The following PCDH15 variants were observed in gnomAD, a reference collection of about 807,000 sequenced individuals.
PCDH15 encodes protocadherin-15.
A neutral mutation model predicts 178.5 loss-of-function variants in PCDH15; 129 were observed. That is an observed-to-expected ratio of 0.72 (90% CI 0.63 to 0.84). PCDH15 has a LOEUF of 0.84. Among genes scored for constraint, PCDH15 ranks in the 40% least tolerant of loss-of-function variants. The pLI, the probability that PCDH15 is intolerant of heterozygous loss-of-function variation, is 0.00. For missense variants in PCDH15, 2,230 were observed against 2,099.9 expected (o/e 1.06, Z -1.21); for synonymous variants, 800 against 732.0 (o/e 1.09, Z -1.50).
chr10:55,540,395 G>A (rs900722334), intron 2 of PCDH15, among the ~76,000 whole-genome samples: 1 of 151,966 alleles, frequency 6.6e-6, no homozygotes, highest in Non-Finnish European at 1.5e-5. Flanking sequence ...CTGAGAAATA[G>A]AATGAAGCAA....
At chr10:54,675,182 T>C (rs1485499286) in intron 1 of PCDH15, among the ~76,000 whole-genome samples, 1 of 152,022 alleles carries the variant, frequency 6.6e-6, no homozygotes, top group Non-Finnish European at 1.5e-5. Context: ...TATAGTAAAT[T>C]CAAACTGCCT....
At chr10:55,432,767 C>T (rs1051623608) in intron 2 of PCDH15, among the ~76,000 whole-genome samples, 2 of 129,296 alleles carry the variant, frequency 1.5e-5, no homozygotes, top group African/African-American at 3.1e-5. Context: ...CCTGCCACAA[C>T]GCCCGGCTAA....
chr10:53,904,885 T>A (rs1269611593), intron 25 of PCDH15, among the ~76,000 whole-genome samples: 1 of 152,146 alleles, frequency 6.6e-6, no homozygotes, highest in Non-Finnish European at 1.5e-5. Context: ...CAGAAACATA[T>A]ACAATTCAAA....
chr10:54,386,100 TTGTGTGTGTGTGTG>T (rs60205554), intron 3 of PCDH15, among the ~76,000 whole-genome samples: 2,383 of 139,802 alleles, frequency 0.017, 70 homozygotes, highest in African/African-American at 0.06. Context: ...TAGTTATTAG[TTGTGTGTGTGTGTG>T]TGTGTGTGTG....
chr10:54,414,241 T>G (rs148990041), intron 3 of PCDH15, among the ~76,000 whole-genome samples: 5 of 152,124 alleles, frequency 3.3e-5, no homozygotes, highest in Non-Finnish European at 7.4e-5. Flanking sequence ...AGACATATCA[T>G]TATCTTGAAT....
At chr10:55,297,124 G>A (rs771882501) in intron 1 of PCDH15, among the ~76,000 whole-genome samples, 114 of 151,706 alleles carry the variant, frequency 7.5e-4, no homozygotes, top group Non-Finnish European at 1.3e-3. Flanking sequence ...GGGAAAGGAT[G>A]AGTAGCAAAA....
chr10:54,597,747 G>C (rs951072583), intron 2 of PCDH15, among the ~76,000 whole-genome samples: 1 of 151,768 alleles, frequency 6.6e-6, no homozygotes, highest in Non-Finnish European at 1.5e-5. Flanking sequence ...GTTAAACTAA[G>C]AAAGAAGAAA....
chr10:55,396,321 C>T (rs1194485601), intron 2 of PCDH15, among the ~76,000 whole-genome samples: 1 of 152,114 alleles, frequency 6.6e-6, no homozygotes, highest in Non-Finnish European at 1.5e-5. Flanking sequence ...CAAAGAACAG[C>T]CTTTGCATCT....
At chr10:54,192,793 T>A (rs2049168120) in intron 11 of PCDH15, among the ~76,000 whole-genome samples, 1 of 152,138 alleles carries the variant, frequency 6.6e-6, no homozygotes, top group Non-Finnish European at 1.5e-5. Context: ...GTTTTGCTGA[T>A]TAATTACTTG....
At chr10:54,817,556 G>T (rs1317368234) in intron 3 of PCDH15, among the ~76,000 whole-genome samples, 3 of 151,944 alleles carry the variant, frequency 2.0e-5, no homozygotes, top group Non-Finnish European at 2.9e-5. Flanking sequence ...TTGCTGCCTG[G>T]ATCTTTGCCA....
chr10:55,350,863 T>C (rs539457438), intron 2 of PCDH15, among the ~76,000 whole-genome samples: 1 of 152,108 alleles, frequency 6.6e-6, no homozygotes, highest in South Asian at 2.1e-4. Flanking sequence ...ATTCTACCAA[T>C]TGGCTCTTCT....
intron 3 of PCDH15, among the ~76,000 whole-genome samples, chr10:54,452,666 C>T (rs2076553382): frequency 1.3e-5 from 2 of 151,848 alleles, no homozygotes; most frequent in Admixed American, 1.3e-4. Context: ...CACAGGAATC[C>T]TTCAAACACT....
chr10:55,174,624 G>A (rs1839428331), intron 1 of PCDH15, among the ~76,000 whole-genome samples: 1 of 152,176 alleles, frequency 6.6e-6, no homozygotes, highest in African/African-American at 2.4e-5. Context: ...TCTCAGGAGA[G>A]GCTGCAAACG....
At chr10:54,488,697 A>T (rs1003946531) in intron 3 of PCDH15, among the ~76,000 whole-genome samples, 1 of 152,026 alleles carries the variant, frequency 6.6e-6, no homozygotes, top group Non-Finnish European at 1.5e-5. Context: ...TTTATCCTAA[A>T]GTGAAGTATC....
At chr10:55,624,253 C>G (rs188818375) in intron 2 of PCDH15, among the ~76,000 whole-genome samples, 1 of 151,624 alleles carries the variant, frequency 6.6e-6, no homozygotes, top group South Asian at 2.1e-4. Flanking sequence ...CCCAGGGTTC[C>G]AAATTCTTAG....
chr10:55,529,741 G>GTATA (rs56254743), intron 2 of PCDH15, among the ~76,000 whole-genome samples: 6,192 of 62,616 alleles, frequency 0.099, 444 homozygotes, highest in East Asian at 0.18. Flanking sequence ...TTGTCTGTGA[G>GTATA]TATATATATA....
chr10:54,272,061 C>A (rs917489468), intron 8 of PCDH15, among the ~76,000 whole-genome samples: 13 of 142,880 alleles, frequency 9.1e-5, no homozygotes, highest in African/African-American at 3.4e-4. Flanking sequence ...AAAACATTTG[C>A]TACTGGTTAG....
intron 26 of PCDH15, among the ~76,000 whole-genome samples, chr10:53,901,916 C>T (rs1346804013): frequency 6.6e-6 from 1 of 152,180 alleles, no homozygotes; most frequent in Admixed American, 6.5e-5. Flanking sequence ...TTTATCACTA[C>T]ATAACTTACT....
chr10:55,137,935 C>T (rs140831115), intron 2 of PCDH15, among the ~76,000 whole-genome samples: 3 of 152,190 alleles, frequency 2.0e-5, no homozygotes, highest in African/African-American at 7.2e-5. Context: ...CCATCCATTC[C>T]AACCCACACG....
Sources: gnomAD v4.1 joint callset for allele counts (sites outside exome capture counted in the v4.1 genomes callset) on GRCh38, gnomAD v4.1.1 for gene constraint, MANE v1.5 for transcripts, NCBI Gene and HGNC (gene_info 2026-07-23, HGNC 2026-07-21) for gene names.